The following UBR4 variants were observed in gnomAD, a reference collection of about 807,000 sequenced individuals.
The protein encoded by UBR4 is ubiquitin protein ligase E3 component n-recognin 4, also known as E3 ubiquitin-protein ligase UBR4.
A neutral mutation model predicts 575.6 loss-of-function variants in UBR4; 124 were observed. That is an observed-to-expected ratio of 0.22 (90% CI 0.19 to 0.25). The LOEUF (loss-of-function observed/expected upper bound fraction) is 0.25, where lower values mean the gene tolerates loss of function less well. Ranked by LOEUF, UBR4 falls within the 10% of genes least tolerant of loss-of-function variation. UBR4 has a pLI of 1.00. For missense variants in UBR4, 4,818 were observed against 6,478.8 expected, an observed-to-expected ratio of 0.74 and a Z score of 8.80; for synonymous variants, 2,455 against 2,473.7, an observed-to-expected ratio of 0.99 and a Z score of 0.22.
rs560169699 is a variant in UBR4 at position 19,197,751 on chromosome 1, T to C, written c.812A>G (p.Asn271Ser). The C allele has an allele frequency of 5.0e-6, 8 of 1,614,194 alleles. No individual in the cohort carries two copies. Among genetic ancestry groups the C allele is most frequent in the South Asian group, 2.2e-5 (2 of 91,088 alleles). Reference protein sequence around the residue: ...LNLPYFLRYINRFQDAVLANS... With the variant: ...LNLPYFLRYISRFQDAVLANS... Reference sequence around the variant, plus strand: ...AGCTAAAACTGCATCTTGGAACCGATTGATATAGCGTAGGAAATATGGCAG... The same window carrying C: ...AGCTAAAACTGCATCTTGGAACCGACTGATATAGCGTAGGAAATATGGCAG... The change falls in exon 7 of 106, where the codon AAT becomes AGT. Residue 271 changes from asparagine to serine, a missense_variant. Physicochemically the swap from Asn to Ser is conservative, Grantham distance 46. This residue lies in a region of UBR4 where 131 missense variants were observed against 214.5 expected (regional missense o/e 0.61). Coordinates refer to ENST00000375254, the MANE Select transcript of UBR4 (RefSeq NM_020765.3).
At position 19,127,727 on chromosome 1, in the gene UBR4, T is replaced by C. The variant is rs2081976087; in HGVS notation, c.9124A>G (p.Lys3042Glu). 2 of 1,614,086 alleles carry C rather than the reference T, an allele frequency of 1.2e-6. No individual in the cohort carries two copies. Among genetic ancestry groups the C allele is most frequent in the Non-Finnish European group, 1.7e-6 (2 of 1,179,964 alleles). Residue 3042 changes from lysine (K) to glutamate (E), a missense_variant, in exon 63 of 106, where the codon AAG (lysine) becomes GAG (glutamate). This residue lies in a region of UBR4 where 550 missense variants were observed against 791.5 expected (regional missense o/e 0.69). Coordinates refer to ENST00000375254, the MANE Select transcript of UBR4 (RefSeq NM_020765.3). ...TCATTCAGGGCGCTGCGCTCATTCTTCTTGGAGACATCCTGCAGGCCAAAG... is the reference window on the plus strand; with the variant it reads ...TCATTCAGGGCGCTGCGCTCATTCTCCTTGGAGACATCCTGCAGGCCAAAG... Reference protein sequence around the residue: ...LGMDKKDVSKKNERSALNEVH... With the variant: ...LGMDKKDVSKENERSALNEVH...
At chr1:19,085,098 T>G (rs143860397) in intron 101 of UBR4, among the ~76,000 whole-genome samples, 157 of 152,196 alleles carry the variant, frequency 1.0e-3, no homozygotes, top group Middle Eastern at 3.4e-3. Context: ...AATAAAAGGG[T>G]TTTTTGTTTT....
In UBR4 at chr1:19,154,847, G is replaced by C. The variant is rs114243272; in HGVS notation, c.6458+71C>G. The C allele has an allele frequency of 8.0e-4, 1,269 of 1,588,500 alleles. 16 individuals are homozygous for C. The African/African-American group carries it at 0.015, about 19-fold the overall frequency. ...TTCACAAAACTCAGAACAGATAGCA[G>C]ATAGTGGGAGTGGAGATCCCACATT... On this transcript the variant is annotated intron_variant, in intron 44 of 105. Transcript: ENST00000375254.
intron 100 of UBR4, 53 bp downstream of exon 100, chr1:19,086,626 A>G (rs1490178907): frequency 6.2e-7 from 1 of 1,602,132 alleles, no homozygotes; most frequent in Non-Finnish European, 8.5e-7. Flanking sequence ...CACCCGCTCC[A>G]GGCCCACAGG....
chr1:19,206,708 G>A (rs2151836211), intron 1 of UBR4, among the ~76,000 whole-genome samples: 1 of 152,292 alleles, frequency 6.6e-6, no homozygotes, highest in African/African-American at 2.4e-5. Context: ...CTAGCTACAT[G>A]CTATAGAGAA....
In UBR4 at chr1:19,201,776, T is replaced by C. The variant is rs764187070; in HGVS notation, c.216A>G (p.Pro72=). ...AAAGTGCAACAAAAGATGAGTAGAA[T>C]GGCTCGTACTGCTTCTCATGGTGCA... ...EILHHEKQYE[P]FYSSFVALST... is the part of the protein sequence containing the mutation. The change falls in exon 2 of 106, where the codon CCA becomes CCG. Residue 72 remains proline, a synonymous_variant. Coordinates refer to ENST00000375254, the MANE Select transcript of UBR4 (RefSeq NM_020765.3). The C allele has an allele frequency of 1.2e-6, 2 of 1,614,168 alleles. No individual in the cohort carries two copies. Among genetic ancestry groups the C allele is most frequent in the Non-Finnish European group, 1.7e-6 (2 of 1,180,004 alleles).
At position 19,193,572 on chromosome 1, in the gene UBR4, G is replaced by A. The variant is rs766887431; in HGVS notation, c.1019-15C>T. 2 of 1,611,370 alleles carry A rather than the reference G, an allele frequency of 1.2e-6. No individual in the cohort carries two copies. Among genetic ancestry groups the A allele is most frequent in the Admixed American group, 1.7e-5 (1 of 59,624 alleles). On this transcript the variant is annotated splice_polypyrimidine_tract_variant and intron_variant, in intron 8 of 105. Transcript: ENST00000375254. Reference sequence around the variant, plus strand: ...CACACTCACACCTGAAAAAGAAGATGCACAGGTCTCAGCCATGGAGTGCAT... The same window carrying A: ...CACACTCACACCTGAAAAAGAAGATACACAGGTCTCAGCCATGGAGTGCAT...
At chr1:19,183,678 T>A in intron 17 of UBR4, 133 bp downstream of exon 17, 1 of 856,738 alleles carries the variant, frequency 1.2e-6, no homozygotes, top group South Asian at 1.6e-5. Context: ...GCCAAGACCG[T>A]GTCACTGCAC....
At chr1:19,183,085 C>T (rs972869015) in intron 17 of UBR4, among the ~76,000 whole-genome samples, 1 of 152,202 alleles carries the variant, frequency 6.6e-6, no homozygotes, top group African/African-American at 2.4e-5. Context: ...ATGAGAGCAT[C>T]TATCTCCTAT....
chr1:19,150,125 T>G (rs1332051813), intron 49 of UBR4, among the ~76,000 whole-genome samples: 1 of 152,180 alleles, frequency 6.6e-6, no homozygotes, highest in African/African-American at 2.4e-5. Flanking sequence ...TAGACTCTGC[T>G]ACAAGAGGCA....
intron 35 of UBR4, 91 bp from the exon 36 acceptor site, chr1:19,161,988 G>T (rs1244136988): frequency 7.7e-6 from 11 of 1,428,856 alleles, no homozygotes; most frequent in South Asian, 1.2e-5. Context: ...CTATGGCGGG[G>T]TGAATAGTTG....
At chr1:19,166,901 A>T (rs2088587125) in intron 29 of UBR4, 121 bp downstream of exon 29, 2 of 955,786 alleles carry the variant, frequency 2.1e-6, no homozygotes, top group Non-Finnish European at 1.4e-6. Context: ...GTCTCAGAAT[A>T]AAAAAAAAAC....
chr1:19,179,492 T>C (rs189304404), intron 17 of UBR4, among the ~76,000 whole-genome samples: 5 of 152,282 alleles, frequency 3.3e-5, no homozygotes, highest in East Asian at 1.9e-4. Flanking sequence ...GAGAAAAGCA[T>C]TGAGATACCA....
chr1:19,144,277 A>G (rs1273700613), intron 54 of UBR4, among the ~76,000 whole-genome samples, 186 bp from the exon 55 acceptor site: 1 of 152,212 alleles, frequency 6.6e-6, no homozygotes, highest in Non-Finnish European at 1.5e-5. Flanking sequence ...GGCACACATT[A>G]AGAGCCATTC....
chr1:19,087,170 A>G (rs1400337226), intron 99 of UBR4, among the ~76,000 whole-genome samples: 1 of 152,252 alleles, frequency 6.6e-6, no homozygotes, highest in African/African-American at 2.4e-5. Flanking sequence ...TTGCTTTTCA[A>G]AACCTGCTGG....
intron 73 of UBR4, among the ~76,000 whole-genome samples, chr1:19,116,176 C>T (rs898588946): frequency 2.0e-5 from 3 of 152,198 alleles, no homozygotes; most frequent in African/African-American, 7.2e-5. Flanking sequence ...GTTCTCAGCA[C>T]CTGACACATA....
In UBR4 at chr1:19,074,743, C is replaced by G; in HGVS notation, c.*89G>C. 1.4e-6 allele frequency: 2 copies of G among 1,464,418 alleles called. No individual in the cohort carries two copies. Among genetic ancestry groups the G allele is most frequent in the East Asian group, 2.3e-5 (1 of 42,812 alleles). The allele number at this position is 1,464,418 out of a possible 1,614,324, so 90.7% of individuals were successfully genotyped here. A position where few individuals can be genotyped will look rare whatever the true frequency, so the allele number is the denominator to read the frequency against. ...AGGGCGGGGTAACAATGCAGCATCC[C>G]GCGGAGGGAACTTAATGCACAAGGA... On this transcript the variant is annotated 3_prime_UTR_variant, in exon 106 of 106. Transcript: ENST00000375254.
intron 53 of UBR4, among the ~76,000 whole-genome samples, chr1:19,145,217 T>C (rs2084676583): frequency 6.6e-6 from 1 of 152,192 alleles, no homozygotes; most frequent in Non-Finnish European, 1.5e-5. Context: ...GGAAGGCAGA[T>C]ACTAAATGTT....
chr1:19,094,875 CCTG>C (rs2077875748), intron 94 of UBR4, 28 bp downstream of exon 94: 1 of 1,610,788 alleles, frequency 6.2e-7, no homozygotes, highest in Non-Finnish European at 8.5e-7. Flanking sequence ...GCTCTCAGTG[CCTG>C]CAGATGGAGG....
Sources: allele counts gnomAD v4.1 joint callset (sites outside exome capture counted in the v4.1 genomes callset), GRCh38; gene constraint gnomAD v4.1.1; regional missense constraint gnomAD v4.1.1; transcripts MANE v1.5; gene names NCBI Gene and HGNC (gene_info 2026-07-23, HGNC 2026-07-21).